PCSK5: variants seen among roughly 807,000 people sequenced by gnomAD.
PCSK5 encodes proprotein convertase subtilisin/kexin type 5.
PCSK5 carries 129 observed loss-of-function variants against 233.2 expected under a neutral mutation model. The ratio of observed to expected loss-of-function variants is 0.55; its 90% CI spans 0.48 to 0.64. The LOEUF (loss-of-function observed/expected upper bound fraction) is 0.64, where lower values mean the gene tolerates loss of function less well. Among genes scored for constraint, PCSK5 ranks in the 30% least tolerant of loss-of-function variants. The probability of loss-of-function intolerance (pLI) is 0.00; values close to 1 mark genes in which losing one functional copy is unlikely to be tolerated. For missense variants in PCSK5, 2,076 were observed against 2,430.1 expected (o/e 0.85, Z 3.06); for synonymous variants, 825 against 879.2 (o/e 0.94, Z 1.09).
At chr9:75,897,508 T>TC (rs1554702407) in intron 1 of PCSK5, among the ~76,000 whole-genome samples, 17 of 149,764 alleles carry the variant, frequency 1.1e-4, no homozygotes, top group Middle Eastern at 3.5e-3. Context: ...TTTTTTTTTT[T>TC]CCCGAAACGG....
intron 3 of PCSK5, among the ~76,000 whole-genome samples, chr9:76,005,433 C>T (rs759166754): frequency 1.2e-4 from 19 of 152,114 alleles, no homozygotes; most frequent in African/African-American, 1.7e-4. Context: ...AAGTAAAATA[C>T]GTAGAATACT....
chr9:76,351,658 A>C (rs1016680170), intron 36 of PCSK5, among the ~76,000 whole-genome samples: 33 of 100,866 alleles, frequency 3.3e-4, no homozygotes, highest in African/African-American at 8.4e-4. Flanking sequence ...AAAGAGAGAG[A>C]GAAAGAAAGA....
chr9:76,207,214 G>A (rs947455363), intron 20 of PCSK5, among the ~76,000 whole-genome samples: 1 of 152,136 alleles, frequency 6.6e-6, no homozygotes, highest in African/African-American at 2.4e-5. Context: ...AATCACATCT[G>A]GGAAATCCCT....
chr9:75,896,599 T>C (rs1184108423), intron 1 of PCSK5, among the ~76,000 whole-genome samples: 3 of 152,190 alleles, frequency 2.0e-5, no homozygotes, highest in African/African-American at 4.8e-5. Flanking sequence ...CATTGGGACT[T>C]TTTTATTCAT....
rs147155687 is a variant in PCSK5 at position 75,900,731 on chromosome 9, A to G, written c.192+9358A>G. Among the ~76,000 whole-genome samples, 48 of 149,212 alleles carry G rather than the reference A, an allele frequency of 3.2e-4. 1 individual carries two copies. In the East Asian group the frequency reaches 9.2e-3, roughly 28 times the overall value. On this transcript the variant is annotated intron_variant, in intron 1 of 37. Transcript: ENST00000674117. Reference sequence around the variant, plus strand: ...TTTTTTTTTTTTTACCCTGCAGTAAATCGGTTCACCCCATTTGTTTTTTAC... The same window carrying G: ...TTTTTTTTTTTTTACCCTGCAGTAAGTCGGTTCACCCCATTTGTTTTTTAC...
chr9:76,231,317 C>T (rs1393863644), intron 21 of PCSK5, among the ~76,000 whole-genome samples: 1 of 152,166 alleles, frequency 6.6e-6, no homozygotes, highest in Non-Finnish European at 1.5e-5. Context: ...TTACATCCCA[C>T]TTGGTCCCTC....
At chr9:76,065,837 G>C (rs994166588) in intron 5 of PCSK5, among the ~76,000 whole-genome samples, 1 of 152,052 alleles carries the variant, frequency 6.6e-6, no homozygotes, top group East Asian at 1.9e-4. Flanking sequence ...GTGGATGGGG[G>C]TGGGGGGTAA....
intron 35 of PCSK5, among the ~76,000 whole-genome samples, chr9:76,340,509 G>T (rs1829797785): frequency 6.6e-6 from 1 of 151,638 alleles, no homozygotes; most frequent in South Asian, 2.1e-4. Flanking sequence ...GCCAGGCGTA[G>T]TGGCGGGTGC....
chr9:76,122,819 TTTTTTTTC>T (rs1490573305), intron 9 of PCSK5, among the ~76,000 whole-genome samples: 14 of 117,302 alleles, frequency 1.2e-4, no homozygotes, highest in African/African-American at 4.1e-4. Context: ...ATTTTTTCTT[TTTTTTTTC>T]TTTTTTTTTT....
At chr9:76,141,867 C>G (rs751737526) in intron 10 of PCSK5, among the ~76,000 whole-genome samples, 27 of 152,018 alleles carry the variant, frequency 1.8e-4, no homozygotes, top group Non-Finnish European at 3.7e-4. Flanking sequence ...CCTTAGCAAA[C>G]TAACTCAGGA....
At chr9:76,146,156 A>G (rs1823433306) in intron 10 of PCSK5, among the ~76,000 whole-genome samples, 1 of 152,076 alleles carries the variant, frequency 6.6e-6, no homozygotes, top group African/African-American at 2.4e-5. Context: ...AACAGGCTTC[A>G]TTTTATGGTA....
chr9:76,028,104 A>G (rs1005305394), intron 5 of PCSK5, among the ~76,000 whole-genome samples: 7 of 152,258 alleles, frequency 4.6e-5, no homozygotes, highest in African/African-American at 1.7e-4. Context: ...GTTGGTTGAC[A>G]TGAACAACCA....
chr9:76,188,760 T>C, intron 18 of PCSK5, 85 bp downstream of exon 18: 1 of 908,806 alleles, frequency 1.1e-6, no homozygotes, highest in South Asian at 1.4e-5. Flanking sequence ...TGCAACCCAC[T>C]TGATACTTTT....
chr9:75,935,006 T>G (rs1005560537), intron 2 of PCSK5, among the ~76,000 whole-genome samples: 2 of 152,232 alleles, frequency 1.3e-5, no homozygotes, highest in African/African-American at 4.8e-5. Context: ...TGTTAATGTT[T>G]TACATTTTAC....
chr9:76,326,903 G>A (rs183822770), intron 32 of PCSK5, among the ~76,000 whole-genome samples: 1 of 152,158 alleles, frequency 6.6e-6, no homozygotes, highest in Admixed American at 6.5e-5. Context: ...ATTGAGAAAG[G>A]CAGGAAGCAA....
At chr9:76,345,616 G>A (rs1301710625) in intron 35 of PCSK5, among the ~76,000 whole-genome samples, 1 of 151,614 alleles carries the variant, frequency 6.6e-6, no homozygotes, top group South Asian at 2.1e-4. Flanking sequence ...TAGAGACGGG[G>A]TTTCACCATG....
At chr9:75,949,536 T>C (rs1824744530) in intron 2 of PCSK5, among the ~76,000 whole-genome samples, 1 of 152,136 alleles carries the variant, frequency 6.6e-6, no homozygotes, top group Admixed American at 6.5e-5. Flanking sequence ...TTATTATTAT[T>C]TATTTATTTT....
At chr9:76,075,859 C>CACTTTG (rs1244383117) in intron 7 of PCSK5, among the ~76,000 whole-genome samples, 2 of 152,314 alleles carry the variant, frequency 1.3e-5, no homozygotes, top group South Asian at 2.1e-4. Flanking sequence ...AGCGAGCTCC[C>CACTTTG]ACTTTCTATA....
At chr9:76,170,455 C>CTAACCTGTAAAGCTTGTTTATAATA in intron 13 of PCSK5, among the ~76,000 whole-genome samples, 1 of 152,198 alleles carries the variant, frequency 6.6e-6, no homozygotes, top group Non-Finnish European at 1.5e-5. Context: ...CGTCTTCATG[C>CTAACCTGTAAAGCTTGTTTATAATA]TAACCTGTAA....
Sources: allele counts gnomAD v4.1 joint callset (sites outside exome capture counted in the v4.1 genomes callset), GRCh38; gene constraint gnomAD v4.1.1; transcripts MANE v1.5; gene names NCBI Gene and HGNC (gene_info 2026-07-23, HGNC 2026-07-21).